Variants in MAP2K1 observed in about 807,000 individuals in gnomAD.
MAP2K1 encodes mitogen-activated protein kinase kinase 1, also known as dual specificity mitogen-activated protein kinase kinase 1.
MAP2K1 carries 16 observed loss-of-function variants against 46.3 expected under a neutral mutation model. The observed-to-expected ratio is 0.35, with a 90% confidence interval of 0.23 to 0.52. MAP2K1 has a LOEUF of 0.52. MAP2K1 is among the 20% of genes least tolerant of loss of function. The pLI, the probability that MAP2K1 is intolerant of heterozygous loss-of-function variation, is 0.94. For missense variants in MAP2K1, 263 were observed against 497.1 expected, an observed-to-expected ratio of 0.53 and a Z score of 4.48; for synonymous variants, 183 against 185.6, an observed-to-expected ratio of 0.99 and a Z score of 0.11.
At chr15:66,459,144 C>G (rs1322870183) in intron 5 of MAP2K1, among the ~76,000 whole-genome samples, 1 of 151,282 alleles carries the variant, frequency 6.6e-6, no homozygotes, top group African/African-American at 2.4e-5. Flanking sequence ...GAAACCCCGT[C>G]TCTACTAAAA....
At position 66,444,584 on chromosome 15, in the gene MAP2K1, G is replaced by A. The variant is rs189428720; in HGVS notation, c.517-72G>A. The A allele has an allele frequency of 2.5e-3, 2,748 of 1,093,150 alleles. 5 individuals are homozygous for A. The highest frequency in any genetic ancestry group is 9.3e-3 in the Middle Eastern group (47 of 5,044). The allele number at this position is 1,093,150 out of a possible 1,614,324, so 67.7% of individuals were successfully genotyped here. A position where few individuals can be genotyped will look rare whatever the true frequency, so the allele number is the denominator to read the frequency against. ...ATGATAAATGAAGTATTTTCCTAGA[G>A]TATTTTAAAATAGATTGAGTATTTT... On this transcript the variant is annotated intron_variant, in intron 4 of 10. Coordinates refer to ENST00000307102, the MANE Select transcript of MAP2K1 (RefSeq NM_002755.4).
intron 5 of MAP2K1, among the ~76,000 whole-genome samples, chr15:66,465,000 A>G (rs1595876647): frequency 6.6e-6 from 1 of 151,112 alleles, no homozygotes; most frequent in African/African-American, 2.4e-5. Flanking sequence ...AGGCGGGTGG[A>G]TTACCTGAGG....
chr15:66,447,001 C>T (rs1025382545), intron 5 of MAP2K1, among the ~76,000 whole-genome samples: 1 of 152,196 alleles, frequency 6.6e-6, no homozygotes, highest in Non-Finnish European at 1.5e-5. Context: ...AATTGGTAAA[C>T]ATAGTGCTGT....
chr15:66,481,977 A>G (rs917129728), intron 6 of MAP2K1, 98 bp downstream of exon 6: 1 of 1,449,248 alleles, frequency 6.9e-7, no homozygotes. Flanking sequence ...TGTGCTGGGT[A>G]GGGGACAAGA....
At chr15:66,424,699 C>G (rs1051347543) in intron 1 of MAP2K1, among the ~76,000 whole-genome samples, 19 of 151,948 alleles carry the variant, frequency 1.3e-4, no homozygotes, top group Non-Finnish European at 2.4e-4. Context: ...CACTCTTGCC[C>G]CTTTCCTAGG....
At chr15:66,408,765 A>T (rs562914176) in intron 1 of MAP2K1, among the ~76,000 whole-genome samples, 1 of 151,990 alleles carries the variant, frequency 6.6e-6, no homozygotes, top group Non-Finnish European at 1.5e-5. Context: ...TCCACCTCCA[A>T]TATACGTATG....
intron 5 of MAP2K1, among the ~76,000 whole-genome samples, chr15:66,469,190 AG>A (rs1250631457): frequency 6.6e-6 from 1 of 151,540 alleles, no homozygotes; most frequent in African/African-American, 2.4e-5. Flanking sequence ...CAGGAGGTGG[AG>A]GTTGCAGTGA....
chr15:66,420,973 ATAC>A, intron 1 of MAP2K1, among the ~76,000 whole-genome samples: 1 of 9,096 alleles, frequency 1.1e-4, no homozygotes, highest in Non-Finnish European at 4.6e-4. Context: ...ATACACACAC[ATAC>A]ATACACACAC....
chr15:66,403,805 C>A (rs1242101280), intron 1 of MAP2K1, among the ~76,000 whole-genome samples: 1 of 151,946 alleles, frequency 6.6e-6, no homozygotes, highest in Non-Finnish European at 1.5e-5. Context: ...TAGATCAGAC[C>A]CTCAGTCCAT....
intron 3 of MAP2K1, among the ~76,000 whole-genome samples, chr15:66,439,374 G>A (rs1028030768): frequency 4.6e-5 from 7 of 152,202 alleles, no homozygotes; most frequent in Non-Finnish European, 1.0e-4. Flanking sequence ...GCTTACACCT[G>A]TAATTCCAGC....
At chr15:66,387,717 C>T (rs1340078588) in intron 1 of MAP2K1, among the ~76,000 whole-genome samples, 1 of 152,188 alleles carries the variant, frequency 6.6e-6, no homozygotes, top group African/African-American at 2.4e-5. Flanking sequence ...AAAGCTAGCA[C>T]GTCTCCCCTG....
At chr15:66,424,738 C>T (rs1771271517) in intron 1 of MAP2K1, among the ~76,000 whole-genome samples, 1 of 144,592 alleles carries the variant, frequency 6.9e-6, no homozygotes, top group Non-Finnish European at 1.5e-5. Flanking sequence ...TTTAGTGGTT[C>T]TTGGCTTGAA....
intron 1 of MAP2K1, among the ~76,000 whole-genome samples, chr15:66,428,369 G>A (rs1343477351): frequency 2.6e-5 from 4 of 151,064 alleles, no homozygotes; most frequent in Non-Finnish European, 4.4e-5. Context: ...TGGCTCATGT[G>A]ATTATGGAGG....
At chr15:66,455,560 TC>T (rs140456364) in intron 5 of MAP2K1, among the ~76,000 whole-genome samples, 1,892 of 152,312 alleles carry the variant, frequency 0.012, 33 homozygotes, top group African/African-American at 0.042. Context: ...TTACTGTTTT[TC>T]CACCTAGGTG....
At chr15:66,388,340 A>G (rs1460069246) in intron 1 of MAP2K1, among the ~76,000 whole-genome samples, 8 of 152,218 alleles carry the variant, frequency 5.3e-5, no homozygotes, top group Non-Finnish European at 8.8e-5. Flanking sequence ...AGCTAGAGAA[A>G]TAGCCAGAAA....
chr15:66,437,311 C>T (rs942838049), intron 3 of MAP2K1, among the ~76,000 whole-genome samples: 1 of 152,190 alleles, frequency 6.6e-6, no homozygotes, highest in African/African-American at 2.4e-5. Flanking sequence ...CTCTGGGTTT[C>T]TGTATGATGC....
chr15:66,479,947 C>T (rs1892874229), intron 5 of MAP2K1, among the ~76,000 whole-genome samples: 1 of 151,832 alleles, frequency 6.6e-6, no homozygotes, highest in Non-Finnish European at 1.5e-5. Context: ...TCTTGTTGCC[C>T]AGACTGGAGT....
intron 1 of MAP2K1, among the ~76,000 whole-genome samples, chr15:66,389,674 A>T (rs1328683522): frequency 1.4e-5 from 2 of 147,198 alleles, no homozygotes; most frequent in Non-Finnish European, 3.0e-5. Flanking sequence ...TCCCGGCTTC[A>T]AGCGATTCTC....
chr15:66,429,272 T>A (rs187175282), intron 1 of MAP2K1, among the ~76,000 whole-genome samples: 89 of 152,086 alleles, frequency 5.9e-4, no homozygotes, highest in Middle Eastern at 3.4e-3. Flanking sequence ...CTTCTTCACA[T>A]GGTGGCAAGA....
Sources: allele counts gnomAD v4.1 joint callset (sites outside exome capture counted in the v4.1 genomes callset), GRCh38; gene constraint gnomAD v4.1.1; transcripts MANE v1.5; gene names NCBI Gene and HGNC (gene_info 2026-07-23, HGNC 2026-07-21).